UBE3D: variants seen among roughly 807,000 people sequenced by gnomAD.
The protein encoded by UBE3D is E3 ubiquitin-protein ligase E3D.
UBE3D carries 48 observed loss-of-function variants against 49.6 expected under a neutral mutation model. The observed-to-expected ratio is 0.97, with a 90% CI of 0.77 to 1.23. UBE3D has a LOEUF of 1.23. UBE3D is among the 50% of genes most tolerant of loss of function. The pLI, the probability that UBE3D is intolerant of heterozygous loss-of-function variation, is 0.00. For synonymous variants in UBE3D, 189 were observed against 174.2 expected, an observed-to-expected ratio of 1.08 and a Z score of -0.67; for missense variants, 452 against 468.4, an observed-to-expected ratio of 0.96 and a Z score of 0.32.
chr6:83,065,478 G>A (rs1415856234), intron 1 of UBE3D, among the ~76,000 whole-genome samples, 164 bp downstream of exon 1: 1 of 152,130 alleles, frequency 6.6e-6, no homozygotes, highest in Non-Finnish European at 1.5e-5. Flanking sequence ...TGGGAGTGGC[G>A]GAGCCGACTA....
intron 9 of UBE3D, among the ~76,000 whole-genome samples, chr6:82,903,985 A>C (rs780451073): frequency 6.6e-6 from 1 of 152,178 alleles, no homozygotes; most frequent in Admixed American, 6.5e-5. Context: ...TTTCCAGGTC[A>C]AGGACAGTGT....
chr6:83,035,811 T>C (rs868393577), intron 5 of UBE3D, among the ~76,000 whole-genome samples: 8 of 152,308 alleles, frequency 5.3e-5, no homozygotes, highest in African/African-American at 1.7e-4. Flanking sequence ...CTACATTCTG[T>C]TGTCTCTATT....
At chr6:82,995,171 G>C (rs749517096) in intron 8 of UBE3D, among the ~76,000 whole-genome samples, 5 of 152,114 alleles carry the variant, frequency 3.3e-5, no homozygotes, top group Non-Finnish European at 5.9e-5. Context: ...AGAATGCCAC[G>C]GCAAACACTT....
chr6:82,964,078 C>T (rs1357409477), intron 8 of UBE3D, among the ~76,000 whole-genome samples: 1 of 152,146 alleles, frequency 6.6e-6, no homozygotes, highest in Admixed American at 6.5e-5. Context: ...GCCAGATGAC[C>T]TTAGTCTAAC....
intron 9 of UBE3D, among the ~76,000 whole-genome samples, chr6:82,902,289 G>A (rs1771794847): frequency 6.6e-6 from 1 of 152,170 alleles, no homozygotes; most frequent in Non-Finnish European, 1.5e-5. Flanking sequence ...CTGCAAATTA[G>A]GAATTTGTCC....
Position 83,023,959 on chromosome 6 carries a change from C to T in UBE3D, c.737+10G>A, listed in dbSNP as rs1457319925. 1 of 1,455,414 alleles carries T rather than the reference C, an allele frequency of 6.9e-7. No individual in the cohort carries two copies. Among genetic ancestry groups the T allele is most frequent in the African/African-American group, 1.5e-5 (1 of 68,660 alleles). The allele number at this position is 1,455,414 out of a possible 1,614,324, so 90.2% of individuals were successfully genotyped here. On this transcript the variant is annotated intron_variant, in intron 6 of 9. Coordinates refer to ENST00000369747, the MANE Select transcript of UBE3D (RefSeq NM_198920.3). Reference sequence around the variant, plus strand: ...ATTACAAATAAATAAATGTAATTTGCTATTTGTACCTTGGTATGATAGGAA... The same window carrying T: ...ATTACAAATAAATAAATGTAATTTGTTATTTGTACCTTGGTATGATAGGAA...
chr6:82,970,712 A>G (rs1216990906), intron 8 of UBE3D, among the ~76,000 whole-genome samples: 2 of 151,996 alleles, frequency 1.3e-5, no homozygotes, highest in African/African-American at 2.4e-5. Context: ...GGTGGCAGGC[A>G]TCTGTAGTCC....
At chr6:83,027,434 C>CA (rs61225462) in intron 5 of UBE3D, among the ~76,000 whole-genome samples, 835 of 34,590 alleles carry the variant, frequency 0.024, 130 homozygotes, top group South Asian at 0.062. Flanking sequence ...GACTCCGTCT[C>CA]AAAAAAAAAA....
chr6:82,914,724 AT>A (rs1772786504), intron 9 of UBE3D, among the ~76,000 whole-genome samples: 1 of 151,958 alleles, frequency 6.6e-6, no homozygotes, highest in African/African-American at 2.4e-5. Context: ...AATTTATAGC[AT>A]TCTGCAAAGA....
At position 83,019,100 on chromosome 6, in the gene UBE3D, A is replaced by T. The variant is rs772266394; in HGVS notation, c.883T>A (p.Ser295Thr). ...TTGATATATTTGGAATTTCTCAAAG[A>T]TTCAATCACCAAACTGTCTGAATTT... ...LLNSDSLVIE[S>T]LRNSKYIKKF... The change falls in exon 8 of 10, where the codon TCT becomes ACT. Residue 295 changes from serine to threonine, a missense_variant. Physicochemically the swap from Ser to Thr is moderately conservative, Grantham distance 58. Coordinates refer to ENST00000369747, the MANE Select transcript of UBE3D (RefSeq NM_198920.3). The T allele has an allele frequency of 6.2e-7, 1 of 1,613,814 alleles. No individual in the cohort carries two copies. The highest frequency in any genetic ancestry group is 8.5e-7 in the Non-Finnish European group (1 of 1,179,898).
chr6:83,054,053 T>A, intron 3 of UBE3D, 95 bp downstream of exon 3: 1 of 1,046,236 alleles, frequency 9.6e-7, no homozygotes, highest in African/African-American at 1.6e-5. Flanking sequence ...TAAGGCCATA[T>A]ACTACTCCAT....
At chr6:83,027,398 T>C (rs1267740176) in intron 5 of UBE3D, among the ~76,000 whole-genome samples, 1 of 121,244 alleles carries the variant, frequency 8.2e-6, no homozygotes, top group African/African-American at 3.2e-5. Flanking sequence ...ACCGCACCAC[T>C]GTGCTCCAGC....
intron 1 of UBE3D, among the ~76,000 whole-genome samples, chr6:83,060,228 C>T (rs1040004804): frequency 6.6e-6 from 1 of 152,028 alleles, no homozygotes; most frequent in Non-Finnish European, 1.5e-5. Context: ...CAACAATGAG[C>T]AGGGGGAGGT....
intron 9 of UBE3D, among the ~76,000 whole-genome samples, chr6:82,916,861 T>A (rs1469835635): frequency 2.0e-5 from 3 of 152,216 alleles, no homozygotes; most frequent in African/African-American, 7.2e-5. Context: ...GGACCCCCGA[T>A]ACCAACTTTA....
the UBE3D span, among the ~76,000 whole-genome samples, chr6:82,882,809 G>C: frequency 2.0e-5 from 3 of 151,984 alleles, no homozygotes; most frequent in Non-Finnish European, 4.4e-5. Flanking sequence ...CACAAAGAGA[G>C]AACTATAAAT....
chr6:82,929,574 T>C (rs1773993536), intron 9 of UBE3D, among the ~76,000 whole-genome samples: 1 of 151,682 alleles, frequency 6.6e-6, no homozygotes, highest in South Asian at 2.1e-4. Context: ...GGTGTGTTTG[T>C]TCTGGTTGGG....
chr6:82,910,949 G>A (rs1772458671), intron 9 of UBE3D, among the ~76,000 whole-genome samples: 1 of 151,962 alleles, frequency 6.6e-6, no homozygotes, highest in Admixed American at 6.6e-5. Flanking sequence ...ATCCTAGTCT[G>A]TTTAACTCAA....
At chr6:82,937,496 C>A (rs1774669152) in intron 9 of UBE3D, among the ~76,000 whole-genome samples, 1 of 152,114 alleles carries the variant, frequency 6.6e-6, no homozygotes, top group Non-Finnish European at 1.5e-5. Context: ...TAAGACCCAC[C>A]ACTTGACTGA....
rs1771035119 is a variant in UBE3D, at chr6:82,892,846, C to G, written c.*176G>C. Reference sequence around the variant, plus strand: ...TGGGTTTTCAAAGATCTAAAGTTAACTCTTCTCTTAGAGAATACATGCAAA... The same window carrying G: ...TGGGTTTTCAAAGATCTAAAGTTAAGTCTTCTCTTAGAGAATACATGCAAA... On this transcript the variant is annotated 3_prime_UTR_variant, in exon 10 of 10. Transcript: ENST00000369747. The G allele has an allele frequency of 1.3e-6, 1 of 748,752 alleles. No homozygotes were observed. The highest frequency in any genetic ancestry group is 2.1e-5 in the Admixed American group (1 of 46,610). The allele number at this position is 748,752 out of a possible 1,614,324, so 46.4% of individuals were successfully genotyped here.
Sources: allele counts gnomAD v4.1 joint callset (sites outside exome capture counted in the v4.1 genomes callset), GRCh38; gene constraint gnomAD v4.1.1; transcripts MANE v1.5; gene names NCBI Gene and HGNC (gene_info 2026-07-23, HGNC 2026-07-21).